UQCC1: variants seen among roughly 807,000 people sequenced by gnomAD.
The protein encoded by UQCC1 is bFGF-repressed Zic-binding protein.
In UQCC1, 38 loss-of-function variants were observed where a neutral mutation model predicts 48.0. The observed-to-expected ratio is 0.79, with a 90% CI of 0.61 to 1.04. The LOEUF (loss-of-function observed/expected upper bound fraction) is 1.04. Ranked by LOEUF, UQCC1 falls within the 50% of genes least tolerant of loss-of-function variation. The probability of loss-of-function intolerance (pLI) is 0.00; values close to 1 mark genes in which losing one functional copy is unlikely to be tolerated. For missense variants in UQCC1, 368 were observed against 381.8 expected (o/e 0.96, Z 0.30); for synonymous variants, 111 against 129.2 (o/e 0.86, Z 0.95).
At chr20:35,312,794 A>C (rs1407030495) in intron 8 of UQCC1, among the ~76,000 whole-genome samples, 1 of 152,248 alleles carries the variant, frequency 6.6e-6, no homozygotes, top group Non-Finnish European at 1.5e-5. Context: ...GAAATAAGTC[A>C]GTCACAAAAG....
chr20:35,394,862 T>G (rs2146516725), intron 1 of UQCC1, among the ~76,000 whole-genome samples: 1 of 152,210 alleles, frequency 6.6e-6, no homozygotes, highest in East Asian at 1.9e-4. Context: ...AAGTAGTGGG[T>G]CCCCAGGTTA....
intron 1 of UQCC1, among the ~76,000 whole-genome samples, chr20:35,407,677 G>T (rs1429061612): frequency 1.3e-5 from 2 of 152,206 alleles, no homozygotes; most frequent in African/African-American, 4.8e-5. Context: ...CCTGAGGTCA[G>T]GAGTTCAAGA....
intron 5 of UQCC1, among the ~76,000 whole-genome samples, chr20:35,370,069 T>G (rs1013603840): frequency 6.6e-6 from 1 of 152,172 alleles, no homozygotes. Flanking sequence ...CAGTGCAACA[T>G]GCTCAGACAA....
chr20:35,318,779 C>T (rs750466025), intron 7 of UQCC1, among the ~76,000 whole-genome samples: 16 of 152,218 alleles, frequency 1.1e-4, no homozygotes, highest in Non-Finnish European at 1.8e-4. Flanking sequence ...TCCTCAACTA[C>T]CGGACTCACT....
At chr20:35,377,455 T>C (rs1054640858) in intron 4 of UQCC1, among the ~76,000 whole-genome samples, 1 of 152,248 alleles carries the variant, frequency 6.6e-6, no homozygotes, top group Non-Finnish European at 1.5e-5. Context: ...TTGACAGGCC[T>C]ACTCCTATCC....
intron 7 of UQCC1, among the ~76,000 whole-genome samples, chr20:35,315,707 G>A (rs577954588): frequency 6.6e-5 from 10 of 152,184 alleles, no homozygotes; most frequent in Non-Finnish European, 1.5e-4. Flanking sequence ...TGGGCAACAT[G>A]GCGAAACCCC....
chr20:35,375,399 C>T (rs1340529407), intron 4 of UQCC1, among the ~76,000 whole-genome samples: 2 of 152,028 alleles, frequency 1.3e-5, no homozygotes, highest in East Asian at 1.9e-4. Flanking sequence ...ATTTTATTTG[C>T]TAACTTGAGA....
At chr20:35,396,647 TG>T (rs371452537) in intron 1 of UQCC1, among the ~76,000 whole-genome samples, 3 of 152,272 alleles carry the variant, frequency 2.0e-5, no homozygotes, top group Middle Eastern at 6.8e-3. Flanking sequence ...AGAGATTAAA[TG>T]GCTGTTCAAG....
intron 6 of UQCC1, among the ~76,000 whole-genome samples, chr20:35,365,781 A>T (rs2061660122): frequency 6.6e-6 from 1 of 152,144 alleles, no homozygotes; most frequent in Non-Finnish European, 1.5e-5. Context: ...AGTATATAGT[A>T]GTCAGTTGTA....
At chr20:35,313,241 T>TGG (rs1214658531) in intron 8 of UQCC1, among the ~76,000 whole-genome samples, 4 of 151,672 alleles carry the variant, frequency 2.6e-5, no homozygotes, top group Non-Finnish European at 5.9e-5. Flanking sequence ...CCGGGTGTGG[T>TGG]GGCAGGCGCC....
intron 8 of UQCC1, among the ~76,000 whole-genome samples, chr20:35,310,644 CAAAA>C (rs1199768843): frequency 2.3e-5 from 1 of 44,144 alleles, no homozygotes; most frequent in African/African-American, 8.4e-5. Flanking sequence ...GACTCTGTCT[CAAAA>C]AAAAAAAAAA....
At chr20:35,400,752 C>A (rs939830435) in intron 1 of UQCC1, among the ~76,000 whole-genome samples, 2 of 152,160 alleles carry the variant, frequency 1.3e-5, no homozygotes, top group African/African-American at 4.8e-5. Context: ...GCCTCGGCCT[C>A]CCAAAGTGCT....
At chr20:35,400,994 G>C (rs1270596925) in intron 1 of UQCC1, among the ~76,000 whole-genome samples, 3 of 152,136 alleles carry the variant, frequency 2.0e-5, no homozygotes, top group African/African-American at 4.8e-5. Flanking sequence ...TCATTCATGA[G>C]CTAGAAAACA....
intron 2 of UQCC1, among the ~76,000 whole-genome samples, chr20:35,393,487 CACACAA>C (rs1216866882): frequency 7.9e-5 from 7 of 88,534 alleles, no homozygotes; most frequent in African/African-American, 3.6e-4. Context: ...CACACACACA[CACACAA>C]ACACACACAA....
intron 1 of UQCC1, among the ~76,000 whole-genome samples, chr20:35,410,895 G>A (rs186782995): frequency 9.3e-5 from 14 of 151,316 alleles, no homozygotes; most frequent in African/African-American, 3.4e-4. Flanking sequence ...CAGTTACAGG[G>A]GCTACTCTAC....
chr20:35,390,757 A>G (rs988419112), intron 2 of UQCC1, among the ~76,000 whole-genome samples: 1 of 152,200 alleles, frequency 6.6e-6, no homozygotes, highest in African/African-American at 2.4e-5. Flanking sequence ...CAGGAACCTG[A>G]CAAACACCAA....
chr20:35,306,932 T>C, intron 8 of UQCC1, 153 bp from the exon 9 acceptor site: 1 of 695,174 alleles, frequency 1.4e-6, no homozygotes. Context: ...ACAGTAGAGG[T>C]GGAAGGGGTC....
At chr20:35,407,024 T>A (rs2062261505) in intron 1 of UQCC1, among the ~76,000 whole-genome samples, 1 of 152,104 alleles carries the variant, frequency 6.6e-6, no homozygotes, top group Non-Finnish European at 1.5e-5. Context: ...TCAAAATGGA[T>A]AAAAGACCAA....
intron 4 of UQCC1, among the ~76,000 whole-genome samples, chr20:35,378,128 C>T (rs572395638): frequency 9.9e-5 from 15 of 152,268 alleles, no homozygotes; most frequent in Non-Finnish European, 1.6e-4. Flanking sequence ...TGTTCTGGTC[C>T]TTGGATGACT....
Sources: gnomAD v4.1 joint callset for allele counts (sites outside exome capture counted in the v4.1 genomes callset) on GRCh38, gnomAD v4.1.1 for gene constraint, MANE v1.5 for transcripts, NCBI Gene and HGNC (gene_info 2026-07-23, HGNC 2026-07-21) for gene names.